TPST1: variants seen among roughly 807,000 people sequenced by gnomAD.
The protein encoded by TPST1 is protein-tyrosine sulfotransferase 1.
In TPST1, 20 loss-of-function variants were observed where a neutral mutation model predicts 34.8. The ratio of observed to expected loss-of-function variants is 0.57; its 90% CI spans 0.40 to 0.84. The LOEUF (loss-of-function observed/expected upper bound fraction) is 0.84, where lower values mean the gene tolerates loss of function less well. TPST1 is among the 40% of genes least tolerant of loss of function. The pLI is 0.00. For missense variants in TPST1, 353 were observed against 455.5 expected, an observed-to-expected ratio of 0.78 and a Z score of 2.05; for synonymous variants, 152 against 159.4, an observed-to-expected ratio of 0.95 and a Z score of 0.35.
chr7:66,248,945 A>C (rs1790208958), intron 2 of TPST1, among the ~76,000 whole-genome samples: 1 of 152,166 alleles, frequency 6.6e-6, no homozygotes, highest in Non-Finnish European at 1.5e-5. Flanking sequence ...TGGGATGTCC[A>C]AGATCAGGCA....
At chr7:66,347,324 T>TA (rs1276299797) in intron 3 of TPST1, among the ~76,000 whole-genome samples, 4 of 152,134 alleles carry the variant, frequency 2.6e-5, no homozygotes, top group Non-Finnish European at 5.9e-5. Flanking sequence ...GGCCTTGACT[T>TA]ACTAAAGTGC....
chr7:66,219,027 T>C (rs893332572), intron 1 of TPST1, among the ~76,000 whole-genome samples: 1 of 150,646 alleles, frequency 6.6e-6, no homozygotes, highest in Non-Finnish European at 1.5e-5. Context: ...ACTTCAGGCA[T>C]GTACCACCAC....
At chr7:66,331,208 G>A (rs559912004) in intron 3 of TPST1, among the ~76,000 whole-genome samples, 15 of 152,310 alleles carry the variant, frequency 9.8e-5, no homozygotes, top group African/African-American at 3.1e-4. Context: ...AAGCAAGAGA[G>A]CAAGATAGAG....
At chr7:66,231,853 G>T (rs533952525) in intron 1 of TPST1, among the ~76,000 whole-genome samples, 15 of 152,378 alleles carry the variant, frequency 9.8e-5, no homozygotes, top group Admixed American at 2.0e-4. Flanking sequence ...CAGAGGAGGC[G>T]CCCAGAGCGA....
chr7:66,301,409 G>A (rs1293281627), intron 3 of TPST1, among the ~76,000 whole-genome samples: 1 of 152,204 alleles, frequency 6.6e-6, no homozygotes, highest in Middle Eastern at 3.2e-3. Flanking sequence ...CATTGGAGTA[G>A]CACTTGAATT....
intron 1 of TPST1, among the ~76,000 whole-genome samples, chr7:66,215,468 G>A (rs921688739): frequency 6.6e-6 from 1 of 151,262 alleles, no homozygotes; most frequent in Non-Finnish European, 1.5e-5. Context: ...TCTGCCTCCT[G>A]GGTTCACACG....
At chr7:66,267,497 C>G (rs985822390) in intron 2 of TPST1, among the ~76,000 whole-genome samples, 1 of 151,748 alleles carries the variant, frequency 6.6e-6, no homozygotes, top group African/African-American at 2.4e-5. Flanking sequence ...TGGCCAAACA[C>G]CAAGATGTTG....
At chr7:66,321,684 C>T (rs565950589) in intron 3 of TPST1, among the ~76,000 whole-genome samples, 1 of 152,268 alleles carries the variant, frequency 6.6e-6, no homozygotes, top group African/African-American at 2.4e-5. Flanking sequence ...GTGATTATAC[C>T]TGTTTACTCT....
intron 1 of TPST1, among the ~76,000 whole-genome samples, chr7:66,228,366 T>C (rs1789708215): frequency 3.3e-5 from 5 of 152,228 alleles, no homozygotes; most frequent in Admixed American, 3.3e-4. Flanking sequence ...TGAAAGAAGT[T>C]GAATCATTTA....
chr7:66,306,948 C>T (rs1280621763), intron 3 of TPST1, among the ~76,000 whole-genome samples: 1 of 152,142 alleles, frequency 6.6e-6, no homozygotes, highest in Non-Finnish European at 1.5e-5. Flanking sequence ...CTCCTGACCT[C>T]AGGTGTCCCA....
chr7:66,242,916 A>T (rs1790066241), intron 2 of TPST1, among the ~76,000 whole-genome samples: 1 of 152,186 alleles, frequency 6.6e-6, no homozygotes, highest in Non-Finnish European at 1.5e-5. Flanking sequence ...GCATTTCAGT[A>T]TGTGGAATGG....
chr7:66,293,201 A>G (rs1209783492), intron 3 of TPST1, among the ~76,000 whole-genome samples: 2 of 151,312 alleles, frequency 1.3e-5, no homozygotes, highest in African/African-American at 2.4e-5. Flanking sequence ...GCGAGACTCC[A>G]TCTCAAAAAA....
At chr7:66,233,089 G>A (rs1283611543) in intron 1 of TPST1, among the ~76,000 whole-genome samples, 9 of 151,448 alleles carry the variant, frequency 5.9e-5, no homozygotes, top group African/African-American at 1.5e-4. Context: ...AGTTTTTTAC[G>A]TGTTCTGGAC....
intron 1 of TPST1, among the ~76,000 whole-genome samples, chr7:66,208,659 G>A (rs1180660386): frequency 6.6e-6 from 1 of 151,924 alleles, no homozygotes; most frequent in Admixed American, 6.6e-5. Context: ...AGTAGAGACA[G>A]GGTTTCATCA....
chr7:66,210,842 G>A (rs1276167741), intron 1 of TPST1, among the ~76,000 whole-genome samples: 1 of 152,074 alleles, frequency 6.6e-6, no homozygotes. Flanking sequence ...GATGGCACAT[G>A]CCTGTAGTTC....
intron 2 of TPST1, among the ~76,000 whole-genome samples, chr7:66,283,784 T>C (rs542885811): frequency 6.6e-6 from 1 of 152,188 alleles, no homozygotes; most frequent in South Asian, 2.1e-4. Flanking sequence ...AATGGCCTAC[T>C]TCTGTCATAT....
At chr7:66,255,495 A>T (rs1190934597) in intron 2 of TPST1, among the ~76,000 whole-genome samples, 1 of 152,234 alleles carries the variant, frequency 6.6e-6, no homozygotes, top group Non-Finnish European at 1.5e-5. Context: ...GTAGGCCAGT[A>T]TTTAACTCCT....
At chr7:66,352,117 A>G (rs1732020034) in intron 3 of TPST1, among the ~76,000 whole-genome samples, 1 of 152,230 alleles carries the variant, frequency 6.6e-6, no homozygotes, top group African/African-American at 2.4e-5. Flanking sequence ...GGAGAATTCA[A>G]AAGGAACCAG....
chr7:66,202,823 C>G (rs780796768), upstream of TPST1, among the ~76,000 whole-genome samples: 5 of 152,114 alleles, frequency 3.3e-5, no homozygotes, highest in Non-Finnish European at 5.9e-5. Context: ...CCTGTAATCC[C>G]GTCACTTTGG....
Sources: gnomAD v4.1 joint callset for allele counts (sites outside exome capture counted in the v4.1 genomes callset) on GRCh38, gnomAD v4.1.1 for gene constraint, MANE v1.5 for transcripts, NCBI Gene and HGNC (gene_info 2026-07-23, HGNC 2026-07-21) for gene names.